Variants in MEF2A observed in about 807,000 individuals in gnomAD.
The protein encoded by MEF2A is myocyte enhancer factor 2A.
Under a neutral mutation model 55.8 loss-of-function variants are expected in MEF2A, and 28 were observed. The observed-to-expected ratio is 0.50, with a 90% CI of 0.37 to 0.69. The LOEUF (loss-of-function observed/expected upper bound fraction) is 0.69. MEF2A is among the 30% of genes least tolerant of loss of function. The pLI is 0.00. For missense variants in MEF2A, 528 were observed against 626.2 expected, an observed-to-expected ratio of 0.84 and a Z score of 1.67; for synonymous variants, 239 against 227.1, an observed-to-expected ratio of 1.05 and a Z score of -0.47.
chr15:99,676,057 G>A (rs1345072985), intron 7 of MEF2A, among the ~76,000 whole-genome samples: 3 of 151,590 alleles, frequency 2.0e-5, no homozygotes, highest in Admixed American at 2.0e-4. Flanking sequence ...AAAAAATTAT[G>A]GAGATGATTG....
chr15:99,685,436 A>ATT (rs35134205), intron 7 of MEF2A, among the ~76,000 whole-genome samples: 15 of 144,618 alleles, frequency 1.0e-4, no homozygotes, highest in East Asian at 6.0e-4. Flanking sequence ...GTTCCTAAGT[A>ATT]TTTTTTTTTT....
chr15:99,712,916 A>AGTGTGTGT lies in MEF2A; in HGVS notation c.*151_*152insGTGTGTGT. On this transcript the variant is annotated 3_prime_UTR_variant, in exon 12 of 12. Transcript: ENST00000557942. This position sits in a 1 kb window ranked among gnomAD's most constrained non-coding sequence, Gnocchi z 4.1. The stretch of plus-strand genomic sequence containing the variant: ...TTACATATATATGTATGTGGGTGTG[A>AGTGTGTGT]GTGTGTATGTGTGGGTGTGTGTTAC... 1.1e-6 allele frequency: 1 copy of AGTGTGTGT among 899,942 alleles called. No homozygotes were observed. The highest frequency in any genetic ancestry group is 1.7e-6 in the Non-Finnish European group (1 of 603,206). 55.7% of individuals were successfully genotyped at this position (899,942 alleles called of 1,614,324 possible).
At chr15:99,702,794 A>G (rs1263262814) in intron 8 of MEF2A, among the ~76,000 whole-genome samples, 1 of 152,198 alleles carries the variant, frequency 6.6e-6, no homozygotes, top group Non-Finnish European at 1.5e-5. Context: ...ATATTTGCAA[A>G]TGATAAACAT....
rs36027608 is a variant in MEF2A at position 99,572,013 on chromosome 15, GTT to G, written c.-225+5927_-225+5928del. On this transcript the variant is annotated intron_variant, in intron 1 of 11. Coordinates refer to ENST00000557942, the MANE Select transcript of MEF2A (RefSeq NM_001319206.4). ...TTCTTTTTCTTCTTGCTCCATAGAA[GTT>G]TTTTTTTTTTTTTTTTTCTTCACAC... 5.1e-3 allele frequency among the ~76,000 whole-genome samples: 660 copies of G among 128,348 alleles called. 4 individuals are homozygous for G. The highest frequency in any genetic ancestry group is 7.8e-3 in the South Asian group (30 of 3,860). 84.2% of individuals were successfully genotyped at this position (128,348 alleles called of 152,430 possible).
chr15:99,590,398 G>GT (rs1385876166), intron 1 of MEF2A, among the ~76,000 whole-genome samples: 1 of 147,042 alleles, frequency 6.8e-6, no homozygotes, highest in African/African-American at 2.5e-5. Flanking sequence ...GTTGGGTCTT[G>GT]TTTTTTTACT....
At chr15:99,638,662 G>T (rs545517629) in intron 3 of MEF2A, among the ~76,000 whole-genome samples, 3 of 151,942 alleles carry the variant, frequency 2.0e-5, no homozygotes, top group Middle Eastern at 3.4e-3. Flanking sequence ...TTATGGAAAT[G>T]GCCCATCTTG....
At position 99,706,896 on chromosome 15, in the gene MEF2A, C is replaced by G. The variant is rs565170841; in HGVS notation, c.1009+41C>G. 1.1e-5 allele frequency: 17 copies of G among 1,590,054 alleles called. No homozygotes were observed. The South Asian group carries it at 1.9e-4, about 18-fold the overall frequency. ...TGCCTTCCGTAGGTTTTACCGCTCTCTGTTTTGTGATCAACGTGTGCTTCT... is the reference window on the plus strand; with the variant it reads ...TGCCTTCCGTAGGTTTTACCGCTCTGTGTTTTGTGATCAACGTGTGCTTCT... On this transcript the variant is annotated intron_variant, in intron 10 of 11. Transcript: ENST00000557942.
intron 2 of MEF2A, among the ~76,000 whole-genome samples, chr15:99,613,216 T>G (rs2039605035): frequency 6.6e-6 from 1 of 152,208 alleles, no homozygotes; most frequent in Non-Finnish European, 1.5e-5. Context: ...TTAGTCTCAA[T>G]TATGATTTGC....
At chr15:99,619,435 T>C (rs1056960648) in intron 2 of MEF2A, among the ~76,000 whole-genome samples, 10 of 152,192 alleles carry the variant, frequency 6.6e-5, no homozygotes, top group African/African-American at 2.2e-4. Context: ...TACTGCCTAG[T>C]CTTCAGTTAT....
intron 1 of MEF2A, chr15:99,566,719 T>C (rs1444201437): frequency 6.6e-6 from 1 of 152,354 alleles, no homozygotes; most frequent in Non-Finnish European, 1.5e-5. Flanking sequence ...GTTCCCCCAC[T>C]TCTGCTTTGG....
intron 7 of MEF2A, among the ~76,000 whole-genome samples, chr15:99,689,741 G>A (rs1272309510): frequency 3.3e-5 from 5 of 152,238 alleles, no homozygotes; most frequent in South Asian, 2.1e-4. Flanking sequence ...TCGGCATACC[G>A]AAGTGCTGGG....
At chr15:99,569,966 A>G (rs1346234077) in intron 1 of MEF2A, among the ~76,000 whole-genome samples, 2 of 151,866 alleles carry the variant, frequency 1.3e-5, no homozygotes, top group Admixed American at 6.6e-5. Context: ...ATAGCACACG[A>G]TATAGGTTGG....
At chr15:99,659,162 T>C (rs1411153007) in intron 4 of MEF2A, among the ~76,000 whole-genome samples, 1 of 152,148 alleles carries the variant, frequency 6.6e-6, no homozygotes, top group African/African-American at 2.4e-5. Flanking sequence ...TTCATTTACG[T>C]GTGGAGATCT....
chr15:99,646,491 G>A (rs1460415907), intron 4 of MEF2A, among the ~76,000 whole-genome samples: 1 of 151,864 alleles, frequency 6.6e-6, no homozygotes, highest in Admixed American at 6.6e-5. Context: ...TTTATATTTG[G>A]AGGTTTTATA....
upstream of MEF2A, chr15:99,565,866 G>C (rs532180918): frequency 6.5e-6 from 1 of 153,764 alleles, no homozygotes; most frequent in Non-Finnish European, 1.4e-5. Context: ...AACCCAGGAG[G>C]GAGGGGAGGC....
At chr15:99,584,574 C>A (rs979989190) in intron 1 of MEF2A, among the ~76,000 whole-genome samples, 1 of 152,118 alleles carries the variant, frequency 6.6e-6, no homozygotes, top group African/African-American at 2.4e-5. Context: ...AAGAAGCCAG[C>A]CACAAAAGAC....
intron 3 of MEF2A, among the ~76,000 whole-genome samples, chr15:99,644,128 T>C (rs2045535023): frequency 6.6e-6 from 1 of 152,248 alleles, no homozygotes; most frequent in South Asian, 2.1e-4. Flanking sequence ...TTGTGCTTTG[T>C]GCACTTGACA....
intron 2 of MEF2A, among the ~76,000 whole-genome samples, chr15:99,604,239 C>A (rs112541184): frequency 2.0e-5 from 3 of 152,128 alleles, no homozygotes; most frequent in African/African-American, 7.2e-5. Flanking sequence ...TCAAATATCC[C>A]ACTTACTCCA....
At chr15:99,654,960 T>G (rs1176926110) in intron 4 of MEF2A, among the ~76,000 whole-genome samples, 2 of 152,186 alleles carry the variant, frequency 1.3e-5, no homozygotes, top group African/African-American at 2.4e-5. Flanking sequence ...AGATCAGTTG[T>G]GTCCCAGAAT....
Sources: allele counts gnomAD v4.1 joint callset (sites outside exome capture counted in the v4.1 genomes callset), GRCh38; gene constraint gnomAD v4.1.1; non-coding constraint Gnocchi (gnomAD v3.1); transcripts MANE v1.5; gene names NCBI Gene and HGNC (gene_info 2026-07-23, HGNC 2026-07-21).